COL5A1: variants seen among roughly 807,000 people sequenced by gnomAD.
The protein encoded by COL5A1 is collagen type V alpha 1 chain, also known as collagen alpha-1(V) chain.
In COL5A1, 16 loss-of-function variants were observed where a neutral mutation model predicts 263.7. The ratio of observed to expected loss-of-function variants is 0.06; its 90% CI spans 0.04 to 0.09. The LOEUF is 0.09. Ranked by LOEUF, COL5A1 falls within the 10% of genes least tolerant of loss-of-function variation. The pLI, the probability that COL5A1 is intolerant of heterozygous loss-of-function variation, is 1.00. For missense variants in COL5A1, 2,036 were observed against 2,540.5 expected, an observed-to-expected ratio of 0.80 and a Z score of 4.27; for synonymous variants, 1,012 against 1,004.5, an observed-to-expected ratio of 1.01 and a Z score of -0.14.
chr9:134,818,571 C>A lies in COL5A1; in HGVS notation c.4231-85C>A. On this transcript the variant is annotated intron_variant, in intron 54 of 65. Transcript: ENST00000371817. The surrounding 1 kb of genome is among the most constrained non-coding windows in gnomAD (Gnocchi z 6.0). ...GTCACCTGGGACTCCTCCAGAGGTG[C>A]CCAGGGTTTCCGAGCAGTGGTCCTG... is the stretch of plus-strand genomic sequence containing the variant. 1.0e-6 allele frequency: 1 copy of A among 1,000,174 alleles called. No homozygotes were observed. The highest frequency in any genetic ancestry group is 1.5e-6 in the Non-Finnish European group (1 of 646,108). The allele number at this position is 1,000,174 out of a possible 1,614,324, so 62.0% of individuals were successfully genotyped here. A position where few individuals can be genotyped will look rare whatever the true frequency, so the allele number is the denominator to read the frequency against.
intron 4 of COL5A1, among the ~76,000 whole-genome samples, chr9:134,723,947 C>A (rs559679113): frequency 2.8e-4 from 43 of 152,302 alleles, no homozygotes; most frequent in African/African-American, 1.0e-3. Flanking sequence ...CCCACGATAA[C>A]CACAGACACA....
chr9:134,817,480 C>T (rs942387961), intron 53 of COL5A1, among the ~76,000 whole-genome samples: 2 of 152,206 alleles, frequency 1.3e-5, no homozygotes, highest in Non-Finnish European at 2.9e-5. Flanking sequence ...AGGACGGAGG[C>T]CACACACAAC....
In COL5A1 at chr9:134,735,416, G is replaced by A. The variant is rs146882812; in HGVS notation, c.1390-3058G>A. ...GCAATATCATTAACTATATCGAGGC[G>A]TTTTCCTCTCGTTCCTCTTTCGCTG... On this transcript the variant is annotated intron_variant, in intron 9 of 65. Transcript: ENST00000371817. Among the ~76,000 whole-genome samples, 925 of 146,004 alleles carry A rather than the reference G, an allele frequency of 6.3e-3. 12 individuals are homozygous for A. The highest frequency in any genetic ancestry group is 0.021 in the African/African-American group (872 of 40,566).
Position 134,830,149 on chromosome 9 carries a change from G to A in COL5A1, c.5136+105G>A, listed in dbSNP as rs758147752. On this transcript the variant is annotated intron_variant, in intron 64 of 65. Transcript: ENST00000371817. ...GGCCCAAAGAGCAGCCTTCCACCTG[G>A]TATAGTCAGTACAAGCGGGGGTCCC... 29 of 1,611,754 alleles carry A rather than the reference G, an allele frequency of 1.8e-5. No homozygotes were observed. The highest frequency in any genetic ancestry group is 2.4e-5 in the Non-Finnish European group (28 of 1,179,076).
rs574260976 is a variant in COL5A1, at chr9:134,664,455, A to G, written c.109+22159A>G. ...GAGAATCTACACCTATCTGACGGAA[A>G]GGGGGTCGACCTGCAAGGAACTCCC... On this transcript the variant is annotated intron_variant, in intron 1 of 65. Coordinates refer to ENST00000371817, the MANE Select transcript of COL5A1 (RefSeq NM_000093.5). Among the ~76,000 whole-genome samples, 3 of 152,378 alleles carry G rather than the reference A, an allele frequency of 2.0e-5. No individual in the cohort carries two copies. In the East Asian group the frequency reaches 5.8e-4, roughly 29 times the overall value.
At chr9:134,675,232 A>G (rs544406100) in intron 1 of COL5A1, among the ~76,000 whole-genome samples, 1 of 152,296 alleles carries the variant, frequency 6.6e-6, no homozygotes, top group Admixed American at 6.5e-5. Flanking sequence ...ATAGGAGCAT[A>G]AAGAGAATGA....
At chr9:134,748,183 TG>T (rs1835636949) in intron 11 of COL5A1, among the ~76,000 whole-genome samples, 2 of 149,424 alleles carry the variant, frequency 1.3e-5, no homozygotes, top group South Asian at 4.2e-4. Flanking sequence ...CATGCATTCA[TG>T]CATACATTCA....
At chr9:134,772,128 G>A (rs1836883965) in intron 25 of COL5A1, among the ~76,000 whole-genome samples, 1 of 152,160 alleles carries the variant, frequency 6.6e-6, no homozygotes, top group Non-Finnish European at 1.5e-5. Flanking sequence ...GAGGCCAGGT[G>A]GAGACCCGAG....
chr9:134,806,032 C>T (rs566906461), intron 41 of COL5A1, among the ~76,000 whole-genome samples, 157 bp from the exon 42 acceptor site: 7 of 152,296 alleles, frequency 4.6e-5, no homozygotes, highest in South Asian at 4.1e-4. Context: ...GAGCCCCGAA[C>T]GCTAGACCAG....
chr9:134,839,487 C>T (rs990893402), intron 65 of COL5A1, among the ~76,000 whole-genome samples: 7 of 152,182 alleles, frequency 4.6e-5, no homozygotes, highest in African/African-American at 1.2e-4. Context: ...GGGCTGTGAC[C>T]GACGCCACTG....
chr9:134,802,035 G>A, intron 38 of COL5A1, 28 bp downstream of exon 38: 2 of 1,610,562 alleles, frequency 1.2e-6, no homozygotes, highest in Non-Finnish European at 1.7e-6. Flanking sequence ...CAGATTCCAT[G>A]GGTCACTCGG....
At chr9:134,721,285 G>A (rs1477115847) in intron 4 of COL5A1, among the ~76,000 whole-genome samples, 1 of 146,044 alleles carries the variant, frequency 6.8e-6, no homozygotes, top group East Asian at 2.0e-4. Flanking sequence ...CCCATCCAGG[G>A]CTGCCCAGGC....
At position 134,824,747 on chromosome 9, in the gene COL5A1, A is replaced by C. The variant is rs1441471467; in HGVS notation, c.4846A>C (p.Asn1616His). Residue 1616 changes from asparagine to histidine, a missense_variant, in exon 62 of 66, where the codon AAC (asparagine) becomes CAC (histidine). Physicochemically the swap from Asn to His is moderately conservative, Grantham distance 68. Coordinates refer to ENST00000371817, the MANE Select transcript of COL5A1 (RefSeq NM_000093.5). ...DGMEEIFGSLNSLKLEIEQMK... is the reference protein window; with the variant it reads ...DGMEEIFGSLHSLKLEIEQMK... ...CATGGAAGAGATCTTCGGCTCTCTC[A>C]ACTCTCTGAAGCTGGAGATTGAGCA... 6.2e-7 allele frequency: 1 copy of C among 1,614,050 alleles called. No homozygotes were observed. Among genetic ancestry groups the C allele is most frequent in the Non-Finnish European group, 8.5e-7 (1 of 1,180,034 alleles).
At chr9:134,766,875 C>A in intron 22 of COL5A1, 125 bp from the exon 23 acceptor site, 1 of 962,140 alleles carries the variant, frequency 1.0e-6, no homozygotes, top group Non-Finnish European at 1.6e-6. Flanking sequence ...TTTCCCTTCC[C>A]GCTGGCATTA....
chr9:134,727,138 C>T (rs971180798), intron 4 of COL5A1, 128 bp from the exon 5 acceptor site: 37 of 979,154 alleles, frequency 3.8e-5, no homozygotes, highest in Non-Finnish European at 3.2e-6. Context: ...ATGTTTGGCT[C>T]TGAGGACAAG....
At chr9:134,688,738 A>G (rs923745596) in intron 1 of COL5A1, among the ~76,000 whole-genome samples, 18 of 152,192 alleles carry the variant, frequency 1.2e-4, no homozygotes, top group African/African-American at 4.1e-4. Context: ...CAGCTTCTCC[A>G]TGTTTCTGGC....
rs576488670 is a variant in COL5A1, at chr9:134,651,195, A to C, written c.109+8899A>C. Among the ~76,000 whole-genome samples the C allele has an allele frequency of 5.9e-5, 9 of 152,372 alleles. No individual in the cohort carries two copies. In the South Asian group the frequency reaches 1.2e-3, roughly 21 times the overall value. On this transcript the variant is annotated intron_variant, in intron 1 of 65. Transcript: ENST00000371817. ...TCCTTTCAGATGCATAAAAATGCAC[A>C]TCAAGCCTGGGCACCATCTGGTGGC...
intron 32 of COL5A1, among the ~76,000 whole-genome samples, chr9:134,793,506 C>T (rs962572982): frequency 5.3e-5 from 8 of 152,212 alleles, no homozygotes; most frequent in Admixed American, 1.3e-4. Flanking sequence ...GCGTTGCGGT[C>T]GAGCCGGTAT....
Position 134,765,556 on chromosome 9 carries a change from G to A in COL5A1, c.2035-125G>A. 1 of 820,524 alleles carries A rather than the reference G, an allele frequency of 1.2e-6. No individual in the cohort carries two copies. Among genetic ancestry groups the A allele is most frequent in the Non-Finnish European group, 2.1e-6 (1 of 475,688 alleles). The allele number at this position is 820,524 out of a possible 1,614,324, so 50.8% of individuals were successfully genotyped here. The stretch of plus-strand genomic sequence containing the variant: ...GGAGTCTGGGCCTCACTCCTGGGAG[G>A]CCAGGAGGCCTGAGTCACCAGCTGG... On this transcript the variant is annotated intron_variant, in intron 20 of 65. Transcript: ENST00000371817. This position sits in a 1 kb window ranked among gnomAD's most constrained non-coding sequence, Gnocchi z 5.1.
Sources: gnomAD v4.1 joint callset for allele counts (sites outside exome capture counted in the v4.1 genomes callset) on GRCh38, gnomAD v4.1.1 for gene constraint, Gnocchi (gnomAD v3.1) non-coding constraint, MANE v1.5 for transcripts, NCBI Gene and HGNC (gene_info 2026-07-23, HGNC 2026-07-21) for gene names.